MTDH: variants seen among roughly 807,000 people sequenced by gnomAD.
MTDH encodes the protein protein LYRIC.
A neutral mutation model predicts 72.7 loss-of-function variants in MTDH; 34 were observed. That is an observed-to-expected ratio of 0.47 (90% CI 0.36 to 0.62). The LOEUF (loss-of-function observed/expected upper bound fraction) is 0.62, where lower values mean the gene tolerates loss of function less well. Ranked by LOEUF, MTDH falls within the 20% of genes least tolerant of loss-of-function variation. The pLI, the probability that MTDH is intolerant of heterozygous loss-of-function variation, is 0.00. For synonymous variants in MTDH, 266 were observed against 268.9 expected, an observed-to-expected ratio of 0.99 and a Z score of 0.10; for missense variants, 677 against 699.4, an observed-to-expected ratio of 0.97 and a Z score of 0.36.
At chr8:97,705,334 C>T (rs1814306861) in intron 7 of MTDH, among the ~76,000 whole-genome samples, 1 of 143,636 alleles carries the variant, frequency 7.0e-6, no homozygotes, top group African/African-American at 2.6e-5. Flanking sequence ...GGGCGTGGTG[C>T]CTCACGCCTA....
intron 2 of MTDH, among the ~76,000 whole-genome samples, chr8:97,673,235 A>G (rs1812702851): frequency 1.3e-5 from 2 of 152,206 alleles, no homozygotes; most frequent in South Asian, 4.1e-4. Flanking sequence ...AAAGAAAACA[A>G]TTAGGCCAGG....
intron 8 of MTDH, among the ~76,000 whole-genome samples, chr8:97,711,252 CTT>C (rs1688746795): frequency 6.6e-6 from 1 of 151,258 alleles, no homozygotes; most frequent in Non-Finnish European, 1.5e-5. Context: ...AATCCCAGCA[CTT>C]TGGGAGACTA....
chr8:97,666,991 C>A (rs1812418077), intron 2 of MTDH, among the ~76,000 whole-genome samples: 1 of 151,474 alleles, frequency 6.6e-6, no homozygotes, highest in South Asian at 2.1e-4. Context: ...TCCACCGTAC[C>A]CTGCCATTTT....
chr8:97,721,972 C>T (rs1815146833), intron 10 of MTDH, among the ~76,000 whole-genome samples: 2 of 152,182 alleles, frequency 1.3e-5, no homozygotes, highest in South Asian at 4.1e-4. Flanking sequence ...GAAATTCTTA[C>T]CTGTTGGGAA....
chr8:97,644,837 A>G lies in MTDH; in HGVS notation c.331A>G (p.Ser111Gly). The change falls in exon 1 of 12, where the codon AGC (serine) becomes GGC (glycine). Residue 111 changes from serine (S) to glycine (G), a missense_variant. By Grantham distance (56) the Ser-to-Gly change is moderately conservative. Coordinates refer to ENST00000336273, the MANE Select transcript of MTDH (RefSeq NM_178812.4). ...CCTGGCCTTGCTGAAGAATCTCCGG[A>G]GCGAGGAACAGAAGAAGAAGAACCG... Reference protein sequence around the residue: ...DDLALLKNLRSEEQKKKNRKK... With the variant: ...DDLALLKNLRGEEQKKKNRKK... The G allele has an allele frequency of 6.3e-7, 1 of 1,577,836 alleles. No homozygotes were observed. Among genetic ancestry groups the G allele is most frequent in the Non-Finnish European group, 8.6e-7 (1 of 1,169,212 alleles).
intron 8 of MTDH, among the ~76,000 whole-genome samples, chr8:97,711,323 A>G (rs1305277457): frequency 6.7e-6 from 1 of 148,430 alleles, no homozygotes; most frequent in Non-Finnish European, 1.5e-5. Context: ...ACATAGCAAG[A>G]CCCTATCTCT....
rs1324445962 is a variant in MTDH, at chr8:97,697,148, A to ATTTT, written c.1049-2605_1049-2604insTTTT. On this transcript the variant is annotated intron_variant, in intron 6 of 11. Transcript: ENST00000336273. ...AAAAAAAATATATATATATATATAT[A>ATTTT]TATTTTTTTTTTGTGGACCCAGTTT... 3.8e-3 allele frequency among the ~76,000 whole-genome samples: 263 copies of ATTTT among 68,404 alleles called. 7 individuals carry two copies. The highest frequency in any genetic ancestry group is 0.024 in the African/African-American group (248 of 10,160). 44.9% of individuals were successfully genotyped at this position (68,404 alleles called of 152,430 possible).
chr8:97,686,111 T>G (rs755517537), intron 2 of MTDH, among the ~76,000 whole-genome samples: 8 of 152,214 alleles, frequency 5.3e-5, no homozygotes, highest in Admixed American at 5.2e-4. Context: ...ATTGACTCAT[T>G]AATTTGTTAT....
chr8:97,667,838 A>AC (rs2130948805), intron 2 of MTDH, among the ~76,000 whole-genome samples: 1 of 151,802 alleles, frequency 6.6e-6, no homozygotes, highest in South Asian at 2.1e-4. Context: ...TATTAAAAAA[A>AC]AAAAAAAAAA....
intron 1 of MTDH, among the ~76,000 whole-genome samples, chr8:97,660,304 G>A (rs550573449): frequency 6.6e-6 from 1 of 152,344 alleles, no homozygotes; most frequent in African/African-American, 2.4e-5. Flanking sequence ...TTTGTAGGCT[G>A]TGGCAATGGG....
At chr8:97,659,072 G>A (rs1812080025) in intron 1 of MTDH, among the ~76,000 whole-genome samples, 1 of 151,978 alleles carries the variant, frequency 6.6e-6, no homozygotes, top group Non-Finnish European at 1.5e-5. Context: ...GAATCCAGGA[G>A]GCAGAGCTTG....
chr8:97,660,770 G>A (rs538505067), intron 1 of MTDH, among the ~76,000 whole-genome samples: 3 of 152,122 alleles, frequency 2.0e-5, no homozygotes, highest in Admixed American at 1.3e-4. Context: ...TGGTCAAATT[G>A]CAAACACAGT....
chr8:97,712,285 G>A (rs1460266959), intron 8 of MTDH, among the ~76,000 whole-genome samples: 1 of 152,192 alleles, frequency 6.6e-6, no homozygotes, highest in African/African-American at 2.4e-5. Context: ...GGATCCACCC[G>A]CCTTGGCCTC....
intron 8 of MTDH, among the ~76,000 whole-genome samples, chr8:97,707,410 A>T (rs923172890): frequency 5.4e-5 from 8 of 149,448 alleles, no homozygotes; most frequent in Middle Eastern, 3.5e-3. Flanking sequence ...TCAGCCCCCC[A>T]AAGTGCTGGG....
chr8:97,695,064 G>A (rs183959868), intron 6 of MTDH, among the ~76,000 whole-genome samples: 1 of 151,152 alleles, frequency 6.6e-6, no homozygotes, highest in East Asian at 1.9e-4. Context: ...GTTAGGAACC[G>A]TGTGACCTTT....
chr8:97,663,676 G>A (rs1260362978), intron 2 of MTDH, among the ~76,000 whole-genome samples: 6 of 137,592 alleles, frequency 4.4e-5, no homozygotes, highest in East Asian at 2.3e-4. Flanking sequence ...GTGAATCCAG[G>A]AAGTGCAGCT....
In MTDH at chr8:97,682,247, TATATATATATATA is replaced by T. The variant is rs1813132377; in HGVS notation, c.484-4420_484-4408del. The stretch of plus-strand genomic sequence containing the variant: ...TAATTACTTTATATATATATATATA[TATATATATATATA>T]TATATATATATATATATATATTTTT... On this transcript the variant is annotated intron_variant, in intron 2 of 11. Coordinates refer to ENST00000336273, the MANE Select transcript of MTDH (RefSeq NM_178812.4). 5.9e-4 allele frequency among the ~76,000 whole-genome samples: 4 copies of T among 6,764 alleles called. No individual in the cohort carries two copies. In the East Asian group the frequency reaches 8.5e-3, roughly 14 times the overall value. The allele number at this position is 6,764 out of a possible 152,430, so 4.4% of individuals were successfully genotyped here. A position where few individuals can be genotyped will look rare whatever the true frequency, so the allele number is the denominator to read the frequency against.
intron 1 of MTDH, among the ~76,000 whole-genome samples, chr8:97,657,007 G>C (rs780602571): frequency 6.6e-6 from 1 of 151,788 alleles, no homozygotes; most frequent in Non-Finnish European, 1.5e-5. Flanking sequence ...TTATGGAATT[G>C]TATGAAATTA....
At chr8:97,665,909 G>A (rs1234808947) in intron 2 of MTDH, among the ~76,000 whole-genome samples, 3 of 152,014 alleles carry the variant, frequency 2.0e-5, no homozygotes, top group African/African-American at 4.8e-5. Flanking sequence ...GGCGGATTAC[G>A]AGAGGTCAGG....
Sources: allele counts gnomAD v4.1 joint callset (sites outside exome capture counted in the v4.1 genomes callset), GRCh38; gene constraint gnomAD v4.1.1; transcripts MANE v1.5; gene names NCBI Gene and HGNC (gene_info 2026-07-23, HGNC 2026-07-21).